Variants in GRM7 observed in about 807,000 individuals in gnomAD.
GRM7 encodes the protein glutamate metabotropic receptor 7.
A neutral mutation model predicts 84.5 loss-of-function variants in GRM7; 35 were observed. The observed-to-expected ratio is 0.41, with a 90% CI of 0.32 to 0.55. The LOEUF is 0.55. Ranked by LOEUF, GRM7 falls within the 20% of genes least tolerant of loss-of-function variation. The probability of loss-of-function intolerance (pLI) is 0.19; values close to 1 mark genes in which losing one functional copy is unlikely to be tolerated. For synonymous variants in GRM7, 487 were observed against 455.1 expected (o/e 1.07, Z -0.89); for missense variants, 1,003 against 1,194.6 (o/e 0.84, Z 2.36).
At chr3:7,078,880 G>T (rs1349413751) in intron 1 of GRM7, among the ~76,000 whole-genome samples, 1 of 149,642 alleles carries the variant, frequency 6.7e-6, no homozygotes, top group East Asian at 2.0e-4. Flanking sequence ...TCTTTGCTGT[G>T]GTAAGTAGAG....
chr3:7,489,928 G>A (rs917074864), intron 7 of GRM7, among the ~76,000 whole-genome samples: 1 of 151,228 alleles, frequency 6.6e-6, no homozygotes, highest in Admixed American at 6.6e-5. Flanking sequence ...ATATTAAATG[G>A]AGCATAACAC....
At chr3:6,945,313 T>C (rs565718838) in intron 1 of GRM7, among the ~76,000 whole-genome samples, 18 of 151,902 alleles carry the variant, frequency 1.2e-4, no homozygotes, top group African/African-American at 4.4e-4. Context: ...ACATGCAATG[T>C]TTGGTTTTTT....
chr3:7,636,094 A>C (rs1698080940), intron 8 of GRM7, among the ~76,000 whole-genome samples: 2 of 152,232 alleles, frequency 1.3e-5, no homozygotes, highest in Non-Finnish European at 2.9e-5. Context: ...AAATTTCTTT[A>C]AAATAGGTTT....
intron 4 of GRM7, among the ~76,000 whole-genome samples, chr3:7,355,408 C>G (rs1471346120): frequency 2.0e-5 from 3 of 152,034 alleles, no homozygotes; most frequent in Non-Finnish European, 4.4e-5. Context: ...GCCCCTTGGT[C>G]CATATGATTC....
chr3:7,294,617 TCTAC>T lies in GRM7; in HGVS notation c.737-4064_737-4061del, dbSNP rs551940630. ...AGAATATCATTGAACAAATTCTACT[TCTAC>T]CTGAGTAGGCTACAACCAATATGGA... is the stretch of plus-strand genomic sequence containing the variant. On this transcript the variant is annotated intron_variant, in intron 2 of 9. Coordinates refer to ENST00000357716, the MANE Select transcript of GRM7 (RefSeq NM_000844.4). 3.3e-5 allele frequency among the ~76,000 whole-genome samples: 5 copies of T among 152,026 alleles called. No individual in the cohort carries two copies. The East Asian group carries it at 9.7e-4, about 29-fold the overall frequency.
At chr3:7,076,118 A>C (rs530565673) in intron 1 of GRM7, among the ~76,000 whole-genome samples, 17 of 152,256 alleles carry the variant, frequency 1.1e-4, no homozygotes, top group African/African-American at 3.1e-4. Flanking sequence ...GGAGAGTGCA[A>C]ATATGGGTTA....
At chr3:6,886,209 T>G (rs1695688126) in intron 1 of GRM7, among the ~76,000 whole-genome samples, 1 of 152,048 alleles carries the variant, frequency 6.6e-6, no homozygotes, top group Non-Finnish European at 1.5e-5. Context: ...ATGTTGTACA[T>G]TCGATCTGAA....
chr3:6,951,061 T>C (rs948188385), intron 1 of GRM7, among the ~76,000 whole-genome samples: 3 of 152,270 alleles, frequency 2.0e-5, no homozygotes, highest in South Asian at 4.1e-4. Context: ...GCACCCACTG[T>C]CCGGCACTCC....
intron 7 of GRM7, among the ~76,000 whole-genome samples, chr3:7,504,748 G>A (rs1467654062): frequency 6.6e-6 from 1 of 152,124 alleles, no homozygotes; most frequent in Admixed American, 6.5e-5. Context: ...TTCATTCATG[G>A]GAATAGAGGG....
chr3:7,242,526 G>A (rs115601091), intron 2 of GRM7, among the ~76,000 whole-genome samples: 3,436 of 152,200 alleles, frequency 0.023, 73 homozygotes, highest in African/African-American at 0.056. Flanking sequence ...TTAACTTTGG[G>A]CAATTATTTT....
intron 2 of GRM7, among the ~76,000 whole-genome samples, chr3:7,256,676 C>A (rs539883503): frequency 4.9e-4 from 74 of 152,088 alleles, no homozygotes; most frequent in Non-Finnish European, 8.5e-4. Context: ...GAGACCAAGT[C>A]CCTAAAGGGA....
At chr3:7,179,194 A>T (rs916795600) in intron 2 of GRM7, among the ~76,000 whole-genome samples, 11 of 152,184 alleles carry the variant, frequency 7.2e-5, no homozygotes, top group Non-Finnish European at 1.5e-4. Flanking sequence ...TGATATCTAA[A>T]ATCTCTGGAG....
intron 1 of GRM7, among the ~76,000 whole-genome samples, chr3:6,990,441 C>T (rs1438102179): frequency 6.6e-6 from 1 of 152,112 alleles, no homozygotes; most frequent in African/African-American, 2.4e-5. Flanking sequence ...CATATAAATA[C>T]AAAATAAACC....
At chr3:7,134,429 GTCATCA>G (rs59201451) in intron 1 of GRM7, among the ~76,000 whole-genome samples, 458 of 150,850 alleles carry the variant, frequency 3.0e-3, no homozygotes, top group African/African-American at 6.5e-3. Context: ...CATCATCATC[GTCATCA>G]TCATCATCAT....
chr3:7,502,878 T>C (rs1439280661), intron 7 of GRM7, among the ~76,000 whole-genome samples: 1 of 152,136 alleles, frequency 6.6e-6, no homozygotes, highest in Non-Finnish European at 1.5e-5. Flanking sequence ...CCCTGAAGAG[T>C]GATAAATTCC....
intron 4 of GRM7, among the ~76,000 whole-genome samples, chr3:7,396,538 T>G (rs1695219815): frequency 6.6e-6 from 1 of 152,220 alleles, no homozygotes; most frequent in Non-Finnish European, 1.5e-5. Flanking sequence ...ATATTTTTAT[T>G]GCTATTATTT....
At chr3:7,408,185 T>C (rs1007635418) in intron 4 of GRM7, among the ~76,000 whole-genome samples, 5 of 152,212 alleles carry the variant, frequency 3.3e-5, no homozygotes, top group African/African-American at 1.2e-4. Flanking sequence ...ATTTAATATG[T>C]ATTGTTTATA....
At chr3:7,259,066 G>T (rs1264920722) in intron 2 of GRM7, among the ~76,000 whole-genome samples, 1 of 152,210 alleles carries the variant, frequency 6.6e-6, no homozygotes, top group Non-Finnish European at 1.5e-5. Flanking sequence ...GCACTTAAAG[G>T]CTGGTATAAA....
intron 1 of GRM7, among the ~76,000 whole-genome samples, chr3:6,939,245 A>C (rs1697803792): frequency 6.6e-6 from 1 of 152,192 alleles, no homozygotes; most frequent in South Asian, 2.1e-4. Context: ...AGTTGTAATA[A>C]GAAATATCCA....
Sources: gnomAD v4.1 joint callset for allele counts (sites outside exome capture counted in the v4.1 genomes callset) on GRCh38, gnomAD v4.1.1 for gene constraint, MANE v1.5 for transcripts, NCBI Gene and HGNC (gene_info 2026-07-23, HGNC 2026-07-21) for gene names.